SCLY: variants seen among roughly 807,000 people sequenced by gnomAD.
The protein encoded by SCLY is selenocysteine lyase.
A neutral mutation model predicts 50.1 loss-of-function variants in SCLY; 38 were observed. The ratio of observed to expected loss-of-function variants is 0.76; its 90% CI spans 0.59 to 0.99. The LOEUF (loss-of-function observed/expected upper bound fraction) is 0.99, where lower values mean the gene tolerates loss of function less well. Among genes scored for constraint, SCLY ranks in the 50% least tolerant of loss-of-function variants. The probability of loss-of-function intolerance (pLI) is 0.00; values close to 1 mark genes in which losing one functional copy is unlikely to be tolerated. For missense variants in SCLY, 600 were observed against 620.0 expected (o/e 0.97, Z 0.34); for synonymous variants, 243 against 249.4 (o/e 0.97, Z 0.24).
chr2:238,064,480 A>G lies in SCLY; in HGVS notation c.202+11A>G, dbSNP rs1373442505. Reference sequence around the variant, plus strand: ...GCCCGTATTCAGCAGGTAATTCTAGAAGATGCACGTGTTCACTGATGGGAG... The same window carrying G: ...GCCCGTATTCAGCAGGTAATTCTAGGAGATGCACGTGTTCACTGATGGGAG... On this transcript the variant is annotated intron_variant, in intron 2 of 11. Coordinates refer to ENST00000254663, the MANE Select transcript of SCLY (RefSeq NM_016510.7). 19 of 1,583,518 alleles carry G rather than the reference A, an allele frequency of 1.2e-5. No homozygotes were observed. The highest frequency in any genetic ancestry group is 1.6e-5 in the Non-Finnish European group (19 of 1,159,880).
rs59204483 is a variant in SCLY, at chr2:238,076,722, TAAA to T, written c.485-4973_485-4971del. Among the ~76,000 whole-genome samples the T allele has an allele frequency of 7.1e-3, 926 of 131,198 alleles. 4 individuals are homozygous for T. Among genetic ancestry groups the T allele is most frequent in the East Asian group, 0.012 (45 of 3,742 alleles). The allele number at this position is 131,198 out of a possible 152,430, so 86.1% of individuals were successfully genotyped here. A position where few individuals can be genotyped will look rare whatever the true frequency, so the allele number is the denominator to read the frequency against. ...AAGAATTATCAATAAAAAAATAAAT[TAAA>T]AAAAAAAAAAAAAGAGTGTATTGTT... On this transcript the variant is annotated intron_variant, in intron 4 of 11. Coordinates refer to ENST00000254663, the MANE Select transcript of SCLY (RefSeq NM_016510.7).
chr2:238,088,920 C>T (rs62195982), intron 7 of SCLY, among the ~76,000 whole-genome samples: 49,270 of 152,002 alleles, frequency 0.32, 9,943 homozygotes, highest in Admixed American at 0.44. Flanking sequence ...TTCTGGTCAG[C>T]GTAGTAAGGC....
At chr2:238,081,883 C>T (rs756128976) in intron 5 of SCLY, 47 bp downstream of exon 5, 1 of 1,603,296 alleles carries the variant, frequency 6.2e-7, no homozygotes, top group Non-Finnish European at 8.5e-7. Flanking sequence ...TGGGGAAGAA[C>T]AGCAGCTTAG....
At chr2:238,062,909 G>T (rs1483605208) in intron 1 of SCLY, among the ~76,000 whole-genome samples, 1 of 152,192 alleles carries the variant, frequency 6.6e-6, no homozygotes, top group Non-Finnish European at 1.5e-5. Context: ...GGCTTTCGAA[G>T]GTTTTGGATA....
At position 238,064,367 on chromosome 2, in the gene SCLY, A is replaced by G. The variant is rs764389928; in HGVS notation, c.100A>G (p.Met34Val). 8 of 1,598,680 alleles carry G rather than the reference A, an allele frequency of 5.0e-6. No individual in the cohort carries two copies. The highest frequency in any genetic ancestry group is 4.5e-5 in the East Asian group (2 of 44,154). Residue 34 changes from methionine (M) to valine (V), a missense_variant, in exon 2 of 12, where the codon ATG becomes GTG. Transcript: ENST00000254663. ...KHNSPERKVY[M>V]DYNATTPLEP... ...CTTTCTTTCCTTCAGGAAAGTTTAT[A>G]TGGACTATAATGCAACGACTCCCCT...
At chr2:238,095,464 G>A (rs1184866405) in intron 10 of SCLY, 1 of 152,202 alleles carries the variant, frequency 6.6e-6, no homozygotes, top group Non-Finnish European at 1.5e-5. Flanking sequence ...AGATGAAAGT[G>A]TTGCTTCTTT....
Position 238,091,271 on chromosome 2 carries a change from T to C in SCLY, c.921+17T>C, listed in dbSNP as rs1292098608. The stretch of plus-strand genomic sequence containing the variant: ...CTTGGGAAGGTGAGCCCTGGTGAGC[T>C]TGAGGAGATGAGTTGATTGCTTTGT... On this transcript the variant is annotated intron_variant, in intron 8 of 11. Coordinates refer to ENST00000254663, the MANE Select transcript of SCLY (RefSeq NM_016510.7). 4 of 1,610,298 alleles carry C rather than the reference T, an allele frequency of 2.5e-6. No homozygotes were observed. The African/African-American group carries it at 4.0e-5, about 16-fold the overall frequency.
chr2:238,092,863 GC>G (rs1350983982), intron 8 of SCLY: 1 of 153,182 alleles, frequency 6.5e-6, no homozygotes, highest in East Asian at 1.9e-4. Context: ...CGTGCTGGCA[GC>G]CCTGCACCTG....
At chr2:238,093,692 T>C in intron 8 of SCLY, 169 bp from the exon 9 acceptor site, 1 of 659,426 alleles carries the variant, frequency 1.5e-6, no homozygotes, top group Non-Finnish European at 2.7e-6. Context: ...AGTCAGTTTC[T>C]GGGGCACTTC....
chr2:238,091,300 C>T lies in SCLY; in HGVS notation c.921+46C>T, dbSNP rs763900457. Reference sequence around the variant, plus strand: ...GGAGATGAGTTGATTGCTTTGTCATCAGTGTCCCCAGCGGCTCTAGTAGGA... The same window carrying T: ...GGAGATGAGTTGATTGCTTTGTCATTAGTGTCCCCAGCGGCTCTAGTAGGA... On this transcript the variant is annotated intron_variant, in intron 8 of 11. Transcript: ENST00000254663. The T allele has an allele frequency of 4.6e-6, 7 of 1,513,424 alleles. No individual in the cohort carries two copies. In the South Asian group the frequency reaches 7.9e-5, roughly 17 times the overall value. 93.7% of individuals were successfully genotyped at this position (1,513,424 alleles called of 1,614,324 possible).
At chr2:238,076,809 C>T (rs1002549436) in intron 4 of SCLY, among the ~76,000 whole-genome samples, 6 of 149,908 alleles carry the variant, frequency 4.0e-5, no homozygotes, top group Non-Finnish European at 5.9e-5. Flanking sequence ...TTCTAATTTT[C>T]TTCCATAAGA....
intron 4 of SCLY, among the ~76,000 whole-genome samples, chr2:238,071,991 A>G (rs1416932743): frequency 6.6e-6 from 1 of 152,168 alleles, no homozygotes; most frequent in Non-Finnish European, 1.5e-5. Flanking sequence ...ATTTTTCTAT[A>G]ATTTTCAGTT....
chr2:238,093,919 G>A lies in SCLY; in HGVS notation c.980G>A (p.Arg327His), dbSNP rs763936839. ...EAYEAHMRDV[R>H]DYLEERLEAE... ...TATGAGGCCCACATGAGGGACGTCCGCGACTACCTGGAAGAGAGGCTGGAA... is the reference window on the plus strand; with the variant it reads ...TATGAGGCCCACATGAGGGACGTCCACGACTACCTGGAAGAGAGGCTGGAA... Residue 327 changes from arginine to histidine, a missense_variant, in exon 9 of 12, where the codon CGC becomes CAC. Coordinates refer to ENST00000254663, the MANE Select transcript of SCLY (RefSeq NM_016510.7). 3.0e-5 allele frequency: 48 copies of A among 1,613,810 alleles called. No individual in the cohort carries two copies. The highest frequency in any genetic ancestry group is 3.4e-5 in the Non-Finnish European group (40 of 1,179,996).
chr2:238,093,740 T>C (rs2065393943), intron 8 of SCLY, 121 bp from the exon 9 acceptor site: 2 of 909,970 alleles, frequency 2.2e-6, no homozygotes, highest in Non-Finnish European at 3.5e-6. Flanking sequence ...AAATATGGTC[T>C]GTCTGTGACT....
rs914604112 is a variant in SCLY, at chr2:238,068,155, G to C, written c.293G>C (p.Gly98Ala). Residue 98 changes from glycine to alanine, a missense_variant, in exon 3 of 12, where the codon GGG becomes GCG. By Grantham distance (60) the Gly-to-Ala change is moderately conservative. Coordinates refer to ENST00000254663, the MANE Select transcript of SCLY (RefSeq NM_016510.7). ...CCTCAAGATATAATCTTCACTTCCGGGGGCACTGAGGTAAAGCTTCTGAAC... is the reference window on the plus strand; with the variant it reads ...CCTCAAGATATAATCTTCACTTCCGCGGGCACTGAGGTAAAGCTTCTGAAC... ...GKPQDIIFTS[G>A]GTESNNLVIH... is the part of the protein sequence containing the mutation. The C allele has an allele frequency of 2.5e-6, 4 of 1,605,968 alleles. No homozygotes were observed. Among genetic ancestry groups the C allele is most frequent in the Non-Finnish European group, 3.4e-6 (4 of 1,175,128 alleles).
intron 4 of SCLY, among the ~76,000 whole-genome samples, chr2:238,071,950 C>T (rs530353139): frequency 4.6e-5 from 7 of 152,038 alleles, no homozygotes; most frequent in African/African-American, 1.7e-4. Flanking sequence ...GGTTGTGCAG[C>T]CATCACCACT....
intron 3 of SCLY, chr2:238,068,378 A>G (rs2065095514): frequency 5.4e-6 from 2 of 369,314 alleles, no homozygotes; most frequent in Non-Finnish European, 9.6e-6. Context: ...GGGAAAGTCC[A>G]TCTCTACAAA....
chr2:238,064,677 A>C, intron 2 of SCLY: 1 of 384,332 alleles, frequency 2.6e-6, no homozygotes, highest in Non-Finnish European at 4.7e-6. Flanking sequence ...TTAACCTTTA[A>C]TGTTTAATCT....
intron 7 of SCLY, among the ~76,000 whole-genome samples, chr2:238,088,490 T>C (rs2065324797): frequency 6.6e-6 from 1 of 151,432 alleles, no homozygotes; most frequent in African/African-American, 2.4e-5. Context: ...AAAAATGCAA[T>C]CAAGGCAGGT....
Sources: gnomAD v4.1 joint callset for allele counts (sites outside exome capture counted in the v4.1 genomes callset) on GRCh38, gnomAD v4.1.1 for gene constraint, MANE v1.5 for transcripts, NCBI Gene and HGNC (gene_info 2026-07-23, HGNC 2026-07-21) for gene names.